The following ITGA11 variants were observed in gnomAD, a reference collection of about 807,000 sequenced individuals.
ITGA11 encodes the protein integrin alpha-11.
A neutral mutation model predicts 141.9 loss-of-function variants in ITGA11; 97 were observed. The observed-to-expected ratio is 0.68, with a 90% CI of 0.58 to 0.81. ITGA11 has a LOEUF of 0.81. Ranked by LOEUF, ITGA11 falls within the 30% of genes least tolerant of loss-of-function variation. The probability of loss-of-function intolerance (pLI) is 0.00; values close to 1 mark genes in which losing one functional copy is unlikely to be tolerated. For missense variants in ITGA11, 1,387 were observed against 1,559.2 expected (o/e 0.89, Z 1.86); for synonymous variants, 658 against 624.6 (o/e 1.05, Z -0.80).
At chr15:68,361,351 CTT>C (rs1438496028) in intron 5 of ITGA11, among the ~76,000 whole-genome samples, 1 of 152,188 alleles carries the variant, frequency 6.6e-6, no homozygotes, top group Non-Finnish European at 1.5e-5. Flanking sequence ...CTGGGATTGT[CTT>C]TGAAACCTTA....
At position 68,304,889 on chromosome 15, in the gene ITGA11, AC is replaced by A. The variant is rs909324209; in HGVS notation, c.3382-1005del. 1.9e-4 allele frequency among the ~76,000 whole-genome samples: 29 copies of A among 152,138 alleles called. No homozygotes were observed. Among genetic ancestry groups the A allele is most frequent in the Admixed American group, 8.5e-4 (13 of 15,290 alleles). The stretch of plus-strand genomic sequence containing the variant: ...CACCTGGAATGTGGCCACCACTCCC[AC>A]CTCCTGGGCCTGAGTGCCCTCACAT... On this transcript the variant is annotated intron_variant, in intron 28 of 29. Coordinates refer to ENST00000315757, the MANE Select transcript of ITGA11 (RefSeq NM_001004439.2). This position sits in a 1 kb window ranked among gnomAD's most constrained non-coding sequence, Gnocchi z 6.1.
At position 68,333,100 on chromosome 15, in the gene ITGA11, G is replaced by A. The variant is rs562867882; in HGVS notation, c.1426-622C>T. ...TGTGTTTAATCAGTTATTGCTGGAC[G>A]GTTAGCTTTTTTTTTTTGAGGCAAG... On this transcript the variant is annotated intron_variant, in intron 12 of 29. Coordinates refer to ENST00000315757, the MANE Select transcript of ITGA11 (RefSeq NM_001004439.2). This position sits in a 1 kb window ranked among gnomAD's most constrained non-coding sequence, Gnocchi z 4.2. Among the ~76,000 whole-genome samples the A allele has an allele frequency of 2.1e-3, 188 of 90,944 alleles. 1 individual carries two copies. The highest frequency in any genetic ancestry group is 6.7e-3 in the African/African-American group (151 of 22,684). 59.7% of individuals were successfully genotyped at this position (90,944 alleles called of 152,430 possible).
intron 7 of ITGA11, among the ~76,000 whole-genome samples, chr15:68,352,911 C>T (rs920612473): frequency 6.6e-6 from 1 of 152,216 alleles, no homozygotes; most frequent in African/African-American, 2.4e-5. Flanking sequence ...GTGGCCGGCC[C>T]TCCTTTAGAC....
At position 68,332,235 on chromosome 15, in the gene ITGA11, T is replaced by A. The variant is rs556314152; in HGVS notation, c.1566+103A>T. 5.2e-4 allele frequency: 718 copies of A among 1,392,452 alleles called. 14 individuals carry two copies. The South Asian group carries it at 9.1e-3, about 18-fold the overall frequency. 86.3% of individuals were successfully genotyped at this position (1,392,452 alleles called of 1,614,324 possible). On this transcript the variant is annotated intron_variant, in intron 13 of 29. Coordinates refer to ENST00000315757, the MANE Select transcript of ITGA11 (RefSeq NM_001004439.2). ...GGCTCTGATTCTCCCCAGGCCTGGC[T>A]CCAGCACTGGCCTCGCTAGTAACGC...
chr15:68,393,201 A>T (rs968402473), intron 2 of ITGA11, among the ~76,000 whole-genome samples: 1 of 152,208 alleles, frequency 6.6e-6, no homozygotes, highest in Non-Finnish European at 1.5e-5. Context: ...CAGCAAGAGA[A>T]AAATGGAATA....
At position 68,315,716 on chromosome 15, in the gene ITGA11, A is replaced by G. The variant is rs777793042; in HGVS notation, c.2727T>C (p.Arg909=). The G allele has an allele frequency of 3.7e-6, 6 of 1,611,728 alleles. No individual in the cohort carries two copies. The highest frequency in any genetic ancestry group is 5.1e-6 in the Non-Finnish European group (6 of 1,178,790). Residue 909 remains arginine, a synonymous_variant, in exon 22 of 30, where the codon CGT becomes CGC. Transcript: ENST00000315757. ...TGGATTTGCTGAACTCAAAATCAAG[A>G]CGGAAAGCCACCTGCAAGGAAGCAG... is the stretch of plus-strand genomic sequence containing the variant. ...FFRAKAKVAF[R]LDFEFSKSIF... is the part of the protein sequence containing the mutation.
At chr15:68,427,116 A>G (rs1265768121) in intron 1 of ITGA11, among the ~76,000 whole-genome samples, 1 of 151,818 alleles carries the variant, frequency 6.6e-6, no homozygotes, top group East Asian at 1.9e-4. Context: ...TGAGCCTTTT[A>G]ACTTCCTATG....
intron 2 of ITGA11, among the ~76,000 whole-genome samples, chr15:68,384,906 A>T (rs1467035924): frequency 6.6e-6 from 1 of 152,328 alleles, no homozygotes; most frequent in Non-Finnish European, 1.5e-5. Flanking sequence ...TCACTGATGA[A>T]AAAGGGCAGA....
intron 1 of ITGA11, among the ~76,000 whole-genome samples, chr15:68,421,739 G>C (rs1256684722): frequency 6.6e-6 from 1 of 151,948 alleles, no homozygotes; most frequent in African/African-American, 2.4e-5. Flanking sequence ...GTTTCAGATG[G>C]GCTAGAATGC....
At position 68,374,519 on chromosome 15, in the gene ITGA11, T is replaced by G. The variant is rs1542473; in HGVS notation, c.165-5235A>C. 8.0e-3 allele frequency among the ~76,000 whole-genome samples: 1,218 copies of G among 152,234 alleles called. 25 individuals carry two copies. The highest frequency in any genetic ancestry group is 0.026 in the African/African-American group (1,081 of 41,542). On this transcript the variant is annotated intron_variant, in intron 2 of 29. Transcript: ENST00000315757. ...GACTAGTACACGGTGTCCTGACTCC[T>G]AGGGTGGTGCTTCCCCCAAGCCATG...
intron 10 of ITGA11, among the ~76,000 whole-genome samples, chr15:68,347,375 C>T (rs573934287): frequency 2.0e-5 from 3 of 152,234 alleles, no homozygotes; most frequent in East Asian, 1.9e-4. Flanking sequence ...CACCTGCCAA[C>T]CTTGTAGGGC....
At chr15:68,430,365 G>A (rs1429880961) in intron 1 of ITGA11, among the ~76,000 whole-genome samples, 2 of 152,158 alleles carry the variant, frequency 1.3e-5, no homozygotes, top group Non-Finnish European at 2.9e-5. Flanking sequence ...CGGAATTTGT[G>A]TCTCCATTCT....
chr15:68,403,027 A>T lies in ITGA11; in HGVS notation c.55T>A (p.Phe19Ile), dbSNP rs575109809. The change falls in exon 2 of 30, where the codon TTC becomes ATC. Residue 19 changes from phenylalanine to isoleucine, a missense_variant and splice_region_variant. Transcript: ENST00000315757. ...GTGTCCATGTTGAAGGTGTCCGTGA[A>T]CCCTGAGGCAGGGGGAGAGGAGAGG... Reference protein sequence around the residue: ...VAWALSLWPGFTDTFNMDTRK... With the variant: ...VAWALSLWPGITDTFNMDTRK... 1 of 1,608,206 alleles carries T rather than the reference A, an allele frequency of 6.2e-7. No individual in the cohort carries two copies. The highest frequency in any genetic ancestry group is 2.2e-5 in the East Asian group (1 of 44,796).
intron 3 of ITGA11, among the ~76,000 whole-genome samples, chr15:68,367,728 G>A (rs1056878469): frequency 9.2e-5 from 14 of 152,158 alleles, no homozygotes; most frequent in Non-Finnish European, 1.9e-4. Flanking sequence ...TTAAAGGTTC[G>A]GAAACAGATT....
At chr15:68,422,793 CCTT>C (rs955415532) in intron 1 of ITGA11, among the ~76,000 whole-genome samples, 1 of 152,192 alleles carries the variant, frequency 6.6e-6, no homozygotes, top group Non-Finnish European at 1.5e-5. Flanking sequence ...CAGACCCAGT[CCTT>C]CTTGCATTTA....
At position 68,328,084 on chromosome 15, in the gene ITGA11, G is replaced by C. The variant is rs745741424; in HGVS notation, c.2068+12C>G. ...AGTCTGGGGGTGGGGAGAAAGGAGG[G>C]GCCTGCTTTACCAACAGTTGTTGTT... is the stretch of plus-strand genomic sequence containing the variant. On this transcript the variant is annotated intron_variant, in intron 16 of 29. Coordinates refer to ENST00000315757, the MANE Select transcript of ITGA11 (RefSeq NM_001004439.2). This position sits in a 1 kb window ranked among gnomAD's most constrained non-coding sequence, Gnocchi z 4.8. 6.2e-7 allele frequency: 1 copy of C among 1,610,750 alleles called. No homozygotes were observed. Among genetic ancestry groups the C allele is most frequent in the Admixed American group, 1.7e-5 (1 of 59,636 alleles).
intron 1 of ITGA11, among the ~76,000 whole-genome samples, chr15:68,421,933 G>C (rs1897028820): frequency 6.6e-6 from 1 of 152,212 alleles, no homozygotes; most frequent in South Asian, 2.1e-4. Flanking sequence ...TTTGCCCCTG[G>C]CTGGCTTCAC....
intron 2 of ITGA11, among the ~76,000 whole-genome samples, chr15:68,390,819 G>A (rs142528292): frequency 2.6e-5 from 4 of 152,326 alleles, no homozygotes; most frequent in African/African-American, 7.2e-5. Flanking sequence ...ATAGAGGTTC[G>A]GGAAGGTTGG....
chr15:68,351,747 T>A lies in ITGA11; in HGVS notation c.750-345A>T, dbSNP rs529283461. Among the ~76,000 whole-genome samples the A allele has an allele frequency of 2.6e-5, 4 of 151,510 alleles. No individual in the cohort carries two copies. The East Asian group carries it at 7.8e-4, about 30-fold the overall frequency. On this transcript the variant is annotated intron_variant, in intron 7 of 29. Transcript: ENST00000315757. ...CCTTTAGAGGCATTAAGTCAGTGGT[T>A]CACAACCCCAGCTGCTCACTGACAT...
Sources: allele counts gnomAD v4.1 joint callset (sites outside exome capture counted in the v4.1 genomes callset), GRCh38; gene constraint gnomAD v4.1.1; non-coding constraint Gnocchi (gnomAD v3.1); transcripts MANE v1.5; gene names NCBI Gene and HGNC (gene_info 2026-07-23, HGNC 2026-07-21).